RSPH14: variants seen among roughly 807,000 people sequenced by gnomAD.
RSPH14 encodes radial spoke head 14 homolog.
RSPH14 carries 20 observed loss-of-function variants against 26.7 expected under a neutral mutation model. The observed-to-expected ratio is 0.75, with a 90% confidence interval of 0.53 to 1.09. The LOEUF is 1.09. Among genes scored for constraint, RSPH14 ranks in the 50% least tolerant of loss-of-function variants. RSPH14 has a pLI of 0.00. For synonymous variants in RSPH14, 177 were observed against 189.3 expected, an observed-to-expected ratio of 0.93 and a Z score of 0.53; for missense variants, 449 against 457.2, an observed-to-expected ratio of 0.98 and a Z score of 0.16.
At chr22:23,130,161 A>AAGAAAGAG (rs1443157727) in intron 4 of RSPH14, among the ~76,000 whole-genome samples, 13 of 138,514 alleles carry the variant, frequency 9.4e-5, no homozygotes, top group Admixed American at 1.4e-4. Context: ...GAAAGAAAGA[A>AAGAAAGAG]AAAGAAAAAG....
upstream of RSPH14, among the ~76,000 whole-genome samples, chr22:23,142,585 G>A (rs534143054): frequency 3.9e-5 from 6 of 152,284 alleles, no homozygotes; most frequent in African/African-American, 9.6e-5. Context: ...TGATCCACCC[G>A]CCTCGGCCTC....
chr22:23,158,827 AG>A, the RSPH14 span: 5 of 1,385,392 alleles, frequency 3.6e-6, no homozygotes, highest in Non-Finnish European at 5.1e-6. Flanking sequence ...GGAGGTCCCA[AG>A]TGTGCCCTCT....
chr22:23,119,546 T>C (rs761186289), intron 4 of RSPH14, among the ~76,000 whole-genome samples: 3 of 152,212 alleles, frequency 2.0e-5, no homozygotes, highest in Non-Finnish European at 4.4e-5. Context: ...AGCACCACAC[T>C]GTCCCATGCT....
intron 4 of RSPH14, among the ~76,000 whole-genome samples, chr22:23,130,283 G>A (rs1275630180): frequency 1.3e-5 from 2 of 150,426 alleles, no homozygotes; most frequent in African/African-American, 4.9e-5. Context: ...GTGAAACCCC[G>A]TTTCTACTAA....
At chr22:23,146,758 G>T, upstream of RSPH14, 1 of 1,564,028 alleles carries the variant, frequency 6.4e-7, no homozygotes, top group Admixed American at 1.8e-5. Context: ...CTACACTCAT[G>T]CCTAGAAGTA....
intron 4 of RSPH14, among the ~76,000 whole-genome samples, chr22:23,066,287 A>AC (rs1393985257): frequency 6.6e-6 from 1 of 152,192 alleles, no homozygotes; most frequent in Non-Finnish European, 1.5e-5. Context: ...CAGGATGGGC[A>AC]CAAGTTAGGG....
intron 4 of RSPH14, among the ~76,000 whole-genome samples, chr22:23,126,131 G>C (rs993524380): frequency 5.3e-5 from 8 of 152,220 alleles, no homozygotes; most frequent in African/African-American, 1.9e-4. Context: ...AATGCCAACT[G>C]TGAAAAGAGC....
intron 4 of RSPH14, among the ~76,000 whole-genome samples, chr22:23,102,172 G>A (rs554161169): frequency 1.3e-3 from 194 of 152,338 alleles, no homozygotes; most frequent in Middle Eastern, 0.01. Context: ...CTGGGGCTGC[G>A]GCCACCTCAG....
At chr22:23,122,344 ACTC>A (rs1471275019) in intron 4 of RSPH14, 3 of 151,916 alleles carry the variant, frequency 2.0e-5, no homozygotes, top group Non-Finnish European at 2.9e-5. Context: ...GGCCCACCAC[ACTC>A]CTGTCCTCTG....
chr22:23,127,541 C>A (rs2070215214), intron 4 of RSPH14, among the ~76,000 whole-genome samples: 1 of 152,148 alleles, frequency 6.6e-6, no homozygotes, highest in Non-Finnish European at 1.5e-5. Flanking sequence ...CTGGGTCCAT[C>A]GAAGGAAGCT....
rs73384375 is a variant in RSPH14 at position 23,100,015 on chromosome 22, T to C, written c.421+34011A>G. ...AGTTGTAAAGCATCAAATGTTCTCA[T>C]GTGGAAACCCACAGGGAGCTCACTG... is the stretch of plus-strand genomic sequence containing the variant. On this transcript the variant is annotated intron_variant, in intron 4 of 6. Coordinates refer to ENST00000216036, the MANE Select transcript of RSPH14 (RefSeq NM_014433.3). 5.3e-3 allele frequency among the ~76,000 whole-genome samples: 803 copies of C among 152,382 alleles called. 9 individuals are homozygous for C. The highest frequency in any genetic ancestry group is 0.017 in the African/African-American group (719 of 41,598).
upstream of RSPH14, chr22:23,145,047 G>C (rs1026398059): frequency 2.5e-6 from 1 of 406,842 alleles, no homozygotes; most frequent in Non-Finnish European, 4.5e-6. Flanking sequence ...TGCAGACTAA[G>C]GTCAGTAGAT....
chr22:23,081,603 T>C (rs1316767354), intron 4 of RSPH14, among the ~76,000 whole-genome samples: 1 of 151,252 alleles, frequency 6.6e-6, no homozygotes, highest in Non-Finnish European at 1.5e-5. Flanking sequence ...AGGTGGATCA[T>C]TTGAGGTCAG....
At chr22:23,129,660 G>C (rs1313421073) in intron 4 of RSPH14, among the ~76,000 whole-genome samples, 1 of 152,124 alleles carries the variant, frequency 6.6e-6, no homozygotes, top group South Asian at 2.1e-4. Context: ...GGTGGCTCAC[G>C]CCTGTAATCC....
upstream of RSPH14, among the ~76,000 whole-genome samples, chr22:23,148,109 T>G (rs1366937042): frequency 6.6e-6 from 1 of 152,030 alleles, no homozygotes; most frequent in Non-Finnish European, 1.5e-5. Flanking sequence ...GAGGAGGAGG[T>G]GACTCTAGAC....
At chr22:23,131,037 A>C (rs1601855789) in intron 4 of RSPH14, 3 of 152,572 alleles carry the variant, frequency 2.0e-5, no homozygotes, top group South Asian at 4.1e-4. Context: ...GCCATGGCAC[A>C]GTCCTTTTGC....
At chr22:23,105,005 G>A (rs574624751) in intron 4 of RSPH14, among the ~76,000 whole-genome samples, 2 of 152,248 alleles carry the variant, frequency 1.3e-5, no homozygotes, top group Non-Finnish European at 2.9e-5. Context: ...CAGCCCAGGA[G>A]CCTGGCTGCA....
chr22:23,176,610 C>A, the RSPH14 span, among the ~76,000 whole-genome samples: 1 of 152,190 alleles, frequency 6.6e-6, no homozygotes, highest in Non-Finnish European at 1.5e-5. Context: ...ATCACCCCAA[C>A]ATCCCTCATT....
chr22:23,122,850 G>T, intron 4 of RSPH14: 1 of 576,726 alleles, frequency 1.7e-6, no homozygotes. Context: ...AGACCCAAAA[G>T]GGGCAAGAGA....
Sources: allele counts gnomAD v4.1 joint callset (sites outside exome capture counted in the v4.1 genomes callset), GRCh38; gene constraint gnomAD v4.1.1; transcripts MANE v1.5; gene names NCBI Gene and HGNC (gene_info 2026-07-23, HGNC 2026-07-21).